Variants in ACTN1 observed in about 807,000 individuals in gnomAD.
ACTN1 encodes the protein actinin alpha 1.
Under a neutral mutation model 119.6 loss-of-function variants are expected in ACTN1, and 30 were observed. The observed-to-expected ratio is 0.25, with a 90% CI of 0.19 to 0.34. The LOEUF is 0.34. Among genes scored for constraint, ACTN1 ranks in the 10% least tolerant of loss-of-function variants. The pLI, the probability that ACTN1 is intolerant of heterozygous loss-of-function variation, is 1.00. For missense variants in ACTN1, 764 were observed against 1,223.4 expected, an observed-to-expected ratio of 0.62 and a Z score of 5.60; for synonymous variants, 429 against 472.6, an observed-to-expected ratio of 0.91 and a Z score of 1.20.
intron 6 of ACTN1, among the ~76,000 whole-genome samples, chr14:68,908,609 G>A (rs1376987822): frequency 6.6e-6 from 1 of 152,142 alleles, no homozygotes; most frequent in Admixed American, 6.5e-5. Flanking sequence ...TGGACCAAGA[G>A]GGAACCTGGA....
rs1406606094 is a variant in ACTN1 at position 68,905,361 on chromosome 14, G to C, written c.595-625C>G. Among the ~76,000 whole-genome samples, 4 of 152,184 alleles carry C rather than the reference G, an allele frequency of 2.6e-5. No individual in the cohort carries two copies. The East Asian group carries it at 7.7e-4, about 29-fold the overall frequency. On this transcript the variant is annotated intron_variant, in intron 6 of 21. Coordinates refer to ENST00000394419, the MANE Select transcript of ACTN1 (RefSeq NM_001130004.2). ...TGCGATGAATGCAACATAAACGTAGGTGGAATGTCAAATGCTGTGAGAATA... is the reference window on the plus strand; with the variant it reads ...TGCGATGAATGCAACATAAACGTAGCTGGAATGTCAAATGCTGTGAGAATA...
intron 1 of ACTN1, chr14:68,974,084 C>G (rs1238074009): frequency 1.3e-5 from 2 of 152,758 alleles, no homozygotes; most frequent in East Asian, 3.9e-4. Flanking sequence ...GGAAGGTACC[C>G]TTTGGCTCCA....
chr14:68,957,994 A>G (rs911729186), intron 1 of ACTN1, among the ~76,000 whole-genome samples: 4 of 152,210 alleles, frequency 2.6e-5, no homozygotes, highest in African/African-American at 9.6e-5. Flanking sequence ...GTCAGGAGTC[A>G]GATCTGGGCA....
intron 6 of ACTN1, among the ~76,000 whole-genome samples, chr14:68,905,316 T>A (rs1203287194): frequency 6.6e-6 from 1 of 152,212 alleles, no homozygotes; most frequent in East Asian, 1.9e-4. Context: ...GGCAAGGATG[T>A]TGAGAAGCTG....
chr14:68,876,266 T>A (rs1432450377), intron 21 of ACTN1, among the ~76,000 whole-genome samples: 1 of 152,228 alleles, frequency 6.6e-6, no homozygotes, highest in African/African-American at 2.4e-5. Flanking sequence ...GTACTGGAAT[T>A]ACAGGCGTGA....
At chr14:68,911,759 A>T (rs993774999) in intron 4 of ACTN1, among the ~76,000 whole-genome samples, 1 of 152,200 alleles carries the variant, frequency 6.6e-6, no homozygotes, top group African/African-American at 2.4e-5. Flanking sequence ...GCCCTTGCAG[A>T]TCTGTGAAAT....
At chr14:68,953,496 A>G (rs1414575036) in intron 1 of ACTN1, among the ~76,000 whole-genome samples, 4 of 152,162 alleles carry the variant, frequency 2.6e-5, no homozygotes, top group Non-Finnish European at 4.4e-5. Flanking sequence ...CACTGTGCGT[A>G]CTCCGCAGAG....
intron 3 of ACTN1, among the ~76,000 whole-genome samples, chr14:68,914,443 C>G (rs1000435520): frequency 6.6e-6 from 1 of 152,150 alleles, no homozygotes; most frequent in Non-Finnish European, 1.5e-5. Context: ...ATAAGATCAC[C>G]TTCCCAGCTA....
At chr14:68,951,582 C>T (rs530727875) in intron 1 of ACTN1, among the ~76,000 whole-genome samples, 3 of 152,328 alleles carry the variant, frequency 2.0e-5, no homozygotes, top group Admixed American at 2.0e-4. Flanking sequence ...GACTCCGTTT[C>T]CCCAACTCTA....
intron 1 of ACTN1, among the ~76,000 whole-genome samples, chr14:68,927,938 A>G (rs2035014297): frequency 6.6e-6 from 1 of 152,102 alleles, no homozygotes; most frequent in African/African-American, 2.4e-5. Context: ...TTTCTCATTT[A>G]TCACCATCTT....
At position 68,975,518 on chromosome 14, in the gene ACTN1, C is replaced by T. The variant is rs976990860; in HGVS notation, c.105+3434G>A. On this transcript the variant is annotated intron_variant, in intron 1 of 21. Coordinates refer to ENST00000394419, the MANE Select transcript of ACTN1 (RefSeq NM_001130004.2). ...TGAAAATAATAGAGCCAGGATCCTACACCAAGCTGATGCTCTCTCCAGCTT... is the reference window on the plus strand; with the variant it reads ...TGAAAATAATAGAGCCAGGATCCTATACCAAGCTGATGCTCTCTCCAGCTT... Among the ~76,000 whole-genome samples the T allele has an allele frequency of 5.3e-5, 8 of 152,164 alleles. No homozygotes were observed. In the South Asian group the frequency reaches 6.2e-4, roughly 12 times the overall value.
chr14:68,940,629 A>G (rs181421128), intron 1 of ACTN1, among the ~76,000 whole-genome samples: 58 of 151,652 alleles, frequency 3.8e-4, no homozygotes, highest in Non-Finnish European at 7.8e-4. Flanking sequence ...GCCTGAGGCC[A>G]GGAGATCAAG....
At chr14:68,898,183 TC>T (rs1171257763) in intron 8 of ACTN1, among the ~76,000 whole-genome samples, 1 of 152,234 alleles carries the variant, frequency 6.6e-6, no homozygotes, top group African/African-American at 2.4e-5. Context: ...GTCCAAGCCT[TC>T]AAGTGTTCTT....
At chr14:68,912,801 A>G (rs2034083988) in intron 3 of ACTN1, among the ~76,000 whole-genome samples, 1 of 152,218 alleles carries the variant, frequency 6.6e-6, no homozygotes, top group Non-Finnish European at 1.5e-5. Flanking sequence ...GGAAGGCCAC[A>G]GAGAAGGGGG....
At position 68,928,346 on chromosome 14, in the gene ACTN1, C is replaced by T. The variant is rs559890813; in HGVS notation, c.106-2674G>A. ...TCCTGGACAAAGCCCTGGAACATGG[C>T]TTTACTAAAACCCCCAATCCTCAGA... On this transcript the variant is annotated intron_variant, in intron 1 of 21. Coordinates refer to ENST00000394419, the MANE Select transcript of ACTN1 (RefSeq NM_001130004.2). Among the ~76,000 whole-genome samples, 13 of 152,300 alleles carry T rather than the reference C, an allele frequency of 8.5e-5. 3 individuals carry two copies. Among genetic ancestry groups the T allele is most frequent in the African/African-American group, 2.9e-4 (12 of 41,570 alleles).
At chr14:68,922,826 T>C (rs531705835) in intron 2 of ACTN1, among the ~76,000 whole-genome samples, 1 of 152,364 alleles carries the variant, frequency 6.6e-6, no homozygotes, top group East Asian at 1.9e-4. Flanking sequence ...GAAATCTGCA[T>C]TTTGACAGGC....
intron 10 of ACTN1, 55 bp from the exon 11 acceptor site, chr14:68,890,341 C>T: frequency 1.3e-6 from 2 of 1,593,704 alleles, no homozygotes; most frequent in African/African-American, 1.3e-5. Context: ...GGCTTCAGGT[C>T]CCCTAGCCCC....
In ACTN1 at chr14:68,909,894, C is replaced by A; in HGVS notation, c.515+61G>T. 6.8e-7 allele frequency: 1 copy of A among 1,478,784 alleles called. No homozygotes were observed. The highest frequency in any genetic ancestry group is 2.3e-5 in the East Asian group (1 of 44,198). 91.6% of individuals were successfully genotyped at this position (1,478,784 alleles called of 1,614,324 possible). On this transcript the variant is annotated intron_variant, in intron 5 of 21. Coordinates refer to ENST00000394419, the MANE Select transcript of ACTN1 (RefSeq NM_001130004.2). The surrounding 1 kb of genome is among the most constrained non-coding windows in gnomAD (Gnocchi z 4.1). ...CTGAGACTGACCCAGCCAAGGGGGT[C>A]TGGGAGCTCCCGGGGGAGGCAGCCT...
chr14:68,978,859 T>C, intron 1 of ACTN1, 93 bp downstream of exon 1: 1 of 863,232 alleles, frequency 1.2e-6, no homozygotes, highest in East Asian at 3.4e-5. Flanking sequence ...CCGGAACCGG[T>C]TCAGAGCCCG....
Sources: allele counts gnomAD v4.1 joint callset (sites outside exome capture counted in the v4.1 genomes callset), GRCh38; gene constraint gnomAD v4.1.1; non-coding constraint Gnocchi (gnomAD v3.1); transcripts MANE v1.5; gene names NCBI Gene and HGNC (gene_info 2026-07-23, HGNC 2026-07-21).